The following FMN1 variants were observed in gnomAD, a reference collection of about 807,000 sequenced individuals.
The protein encoded by FMN1 is formin 1.
FMN1 carries 110 observed loss-of-function variants against 132.4 expected under a neutral mutation model. The observed-to-expected ratio is 0.83, with a 90% confidence interval of 0.71 to 0.97. The LOEUF (loss-of-function observed/expected upper bound fraction) is 0.97. FMN1 is among the 50% of genes least tolerant of loss of function. FMN1 has a pLI of 0.00. For synonymous variants in FMN1, 722 were observed against 651.7 expected (o/e 1.11, Z -1.64); for missense variants, 1,792 against 1,705.3 (o/e 1.05, Z -0.90).
chr15:33,041,139 T>C (rs1217271697), intron 6 of FMN1, among the ~76,000 whole-genome samples: 1 of 94,414 alleles, frequency 1.1e-5, no homozygotes, highest in Non-Finnish European at 2.4e-5. Flanking sequence ...ACTAAACAGA[T>C]TGAAAAAAAA....
At chr15:33,162,291 G>A (rs1454673904) in intron 3 of FMN1, among the ~76,000 whole-genome samples, 1 of 152,148 alleles carries the variant, frequency 6.6e-6, no homozygotes, top group Non-Finnish European at 1.5e-5. Flanking sequence ...GGGATTACAG[G>A]GGTGAGCCAC....
At chr15:32,891,883 T>C (rs1373088952) in intron 15 of FMN1, among the ~76,000 whole-genome samples, 1 of 152,176 alleles carries the variant, frequency 6.6e-6, no homozygotes, top group African/African-American at 2.4e-5. Context: ...ACAGAAGAGC[T>C]ACTAATTTGT....
chr15:32,945,778 A>G (rs951475146), intron 9 of FMN1, among the ~76,000 whole-genome samples: 2 of 150,910 alleles, frequency 1.3e-5, no homozygotes, highest in Non-Finnish European at 3.0e-5. Flanking sequence ...AGAGCCAGCA[A>G]GAGTGAGCAC....
intron 7 of FMN1, among the ~76,000 whole-genome samples, chr15:32,981,273 T>C (rs749236665): frequency 6.6e-6 from 1 of 151,848 alleles, no homozygotes; most frequent in African/African-American, 2.4e-5. Context: ...GGGTGGATCA[T>C]GAGGTCAGGA....
chr15:32,999,229 G>A (rs1379434392), intron 7 of FMN1, among the ~76,000 whole-genome samples: 1 of 152,080 alleles, frequency 6.6e-6, no homozygotes, highest in African/African-American at 2.4e-5. Context: ...TTCCCTCACA[G>A]TATTATCTGG....
intron 20 of FMN1, 37 bp from the exon 21 acceptor site, chr15:32,774,391 T>TC: frequency 6.6e-7 from 1 of 1,520,480 alleles, no homozygotes; most frequent in African/African-American, 1.4e-5. Flanking sequence ...TCATTTTCTT[T>TC]CATCTTTCTC....
chr15:33,011,276 G>C (rs1202157478), intron 6 of FMN1, among the ~76,000 whole-genome samples: 1 of 152,090 alleles, frequency 6.6e-6, no homozygotes, highest in African/African-American at 2.4e-5. Context: ...CTTGATATAT[G>C]ATAGAAATAG....
intron 4 of FMN1, among the ~76,000 whole-genome samples, chr15:33,111,305 A>C (rs1411288856): frequency 6.6e-6 from 1 of 152,170 alleles, no homozygotes; most frequent in African/African-American, 2.4e-5. Flanking sequence ...GGATGGCTAT[A>C]ATTAAAAAGG....
intron 4 of FMN1, among the ~76,000 whole-genome samples, chr15:33,103,412 A>C (rs1330442788): frequency 6.6e-6 from 1 of 152,106 alleles, no homozygotes; most frequent in African/African-American, 2.4e-5. Context: ...CAATGGACTC[A>C]GAGCAGTGCC....
At chr15:32,929,663 T>C (rs778162747) in intron 9 of FMN1, among the ~76,000 whole-genome samples, 5 of 152,204 alleles carry the variant, frequency 3.3e-5, no homozygotes, top group Non-Finnish European at 2.9e-5. Context: ...GGATACCTCA[T>C]ATAAGTGGAA....
At chr15:32,923,019 C>T (rs907637165) in intron 10 of FMN1, among the ~76,000 whole-genome samples, 1 of 152,162 alleles carries the variant, frequency 6.6e-6, no homozygotes. Flanking sequence ...GAATACTCTC[C>T]TCTAAGTGAA....
intron 4 of FMN1, among the ~76,000 whole-genome samples, chr15:33,100,599 C>T (rs1484735081): frequency 2.0e-5 from 3 of 152,086 alleles, no homozygotes; most frequent in African/African-American, 7.2e-5. Context: ...CCCACAAAGT[C>T]AAAAATATTT....
intron 19 of FMN1, among the ~76,000 whole-genome samples, chr15:32,797,550 T>G (rs542596661): frequency 6.6e-6 from 1 of 152,190 alleles, no homozygotes; most frequent in Non-Finnish European, 1.5e-5. Context: ...TTTTTAGGAT[T>G]TTTTTTCATG....
At chr15:33,159,118 G>A (rs939819483) in intron 3 of FMN1, among the ~76,000 whole-genome samples, 6 of 152,178 alleles carry the variant, frequency 3.9e-5, no homozygotes, top group Admixed American at 2.6e-4. Context: ...GGAGATCTAG[G>A]CTGCAGTGAG....
chr15:32,823,190 C>G (rs1353097768), intron 17 of FMN1, among the ~76,000 whole-genome samples: 1 of 110,814 alleles, frequency 9.0e-6, no homozygotes, highest in Non-Finnish European at 1.7e-5. Context: ...GAGACAGAGT[C>G]TTGCTCTATC....
intron 6 of FMN1, among the ~76,000 whole-genome samples, chr15:33,052,763 C>T (rs2037036950): frequency 1.3e-5 from 2 of 152,290 alleles, no homozygotes; most frequent in East Asian, 1.9e-4. Context: ...ACTTATCTTC[C>T]CATTTGATGC....
chr15:32,953,310 A>C (rs2061693259), intron 9 of FMN1, among the ~76,000 whole-genome samples: 1 of 152,186 alleles, frequency 6.6e-6, no homozygotes. Context: ...ACCATGGCTA[A>C]CCTTGCTGCC....
In FMN1 at chr15:32,926,271, GAAAAA is replaced by G; in HGVS notation, c.3139-15_3139-11del. The G allele has an allele frequency of 1.0e-6, 1 of 994,376 alleles. No individual in the cohort carries two copies. Among genetic ancestry groups the G allele is most frequent in the Non-Finnish European group, 1.4e-6 (1 of 708,224 alleles). 61.6% of individuals were successfully genotyped at this position (994,376 alleles called of 1,614,324 possible). A position where few individuals can be genotyped will look rare whatever the true frequency, so the allele number is the denominator to read the frequency against. On this transcript the variant is annotated splice_polypyrimidine_tract_variant and intron_variant, in intron 9 of 20. Coordinates refer to ENST00000616417, the MANE Select transcript of FMN1 (RefSeq NM_001277313.2). ...CCAACAATTTGATGATCTAAAATTA[GAAAAA>G]AAAAAAAAAGAATACAAGCTCAAAT...
chr15:33,174,587 C>T (rs953225820), intron 3 of FMN1, among the ~76,000 whole-genome samples: 23 of 152,278 alleles, frequency 1.5e-4, no homozygotes, highest in Middle Eastern at 3.4e-3. Context: ...CAATCATCAA[C>T]ATTTTTTTGA....
Sources: allele counts gnomAD v4.1 joint callset (sites outside exome capture counted in the v4.1 genomes callset), GRCh38; gene constraint gnomAD v4.1.1; transcripts MANE v1.5; gene names NCBI Gene and HGNC (gene_info 2026-07-23, HGNC 2026-07-21).